ASIC2: variants seen among roughly 807,000 people sequenced by gnomAD.
ASIC2 encodes the protein acid sensing ion channel subunit 2.
In ASIC2, 25 loss-of-function variants were observed where a neutral mutation model predicts 57.3. The observed-to-expected ratio is 0.44, with a 90% CI of 0.32 to 0.61. ASIC2 has a LOEUF of 0.61. Among genes scored for constraint, ASIC2 ranks in the 20% least tolerant of loss-of-function variants. ASIC2 has a pLI of 0.06. For synonymous variants in ASIC2, 319 were observed against 307.5 expected, an observed-to-expected ratio of 1.04 and a Z score of -0.39; for missense variants, 641 against 738.1, an observed-to-expected ratio of 0.87 and a Z score of 1.52.
intron 1 of ASIC2, among the ~76,000 whole-genome samples, chr17:33,917,689 C>G (rs533476392): frequency 2.2e-4 from 33 of 152,224 alleles, no homozygotes; most frequent in African/African-American, 7.9e-4. Context: ...TCATGATTAC[C>G]TTGACTTTTG....
intron 1 of ASIC2, among the ~76,000 whole-genome samples, chr17:33,332,380 G>A (rs1377302075): frequency 6.6e-6 from 1 of 152,076 alleles, no homozygotes; most frequent in African/African-American, 2.4e-5. Flanking sequence ...ACATTTCAAC[G>A]TGTAATAAAC....
chr17:33,302,279 C>T (rs568662573), intron 1 of ASIC2, among the ~76,000 whole-genome samples: 1 of 152,310 alleles, frequency 6.6e-6, no homozygotes, highest in Admixed American at 6.5e-5. Context: ...TAACCTTCTC[C>T]AGCAGTAACC....
intron 1 of ASIC2, among the ~76,000 whole-genome samples, chr17:33,175,077 T>G (rs1475730207): frequency 6.6e-6 from 1 of 152,194 alleles, no homozygotes; most frequent in Non-Finnish European, 1.5e-5. Context: ...CGAATAAAAT[T>G]GTTCTTATTT....
At chr17:33,961,402 GT>G (rs35096825) in intron 1 of ASIC2, among the ~76,000 whole-genome samples, 17,124 of 152,214 alleles carry the variant, frequency 0.11, 1,080 homozygotes, top group Middle Eastern at 0.17. Context: ...ACAGTTGGTG[GT>G]TGGAGGCTAG....
intron 1 of ASIC2, among the ~76,000 whole-genome samples, chr17:33,420,701 G>A (rs1244148221): frequency 6.6e-6 from 1 of 152,182 alleles, no homozygotes; most frequent in Non-Finnish European, 1.5e-5. Context: ...GTTTGAATTT[G>A]TAGCATTTGC....
intron 5 of ASIC2, 54 bp downstream of exon 5, chr17:33,025,872 T>G (rs1425377409): frequency 6.7e-7 from 1 of 1,496,586 alleles, no homozygotes; most frequent in East Asian, 2.4e-5. Context: ...ATTTCCATGA[T>G]CTCAGTCTCA....
chr17:34,026,446 C>T (rs141720243), intron 1 of ASIC2, among the ~76,000 whole-genome samples: 102 of 152,264 alleles, frequency 6.7e-4, no homozygotes, highest in South Asian at 5.6e-3. Flanking sequence ...TCTCCCAAAC[C>T]GATGAGTTTC....
chr17:34,040,629 T>C (rs1459942762), intron 1 of ASIC2, among the ~76,000 whole-genome samples: 1 of 152,176 alleles, frequency 6.6e-6, no homozygotes, highest in Non-Finnish European at 1.5e-5. Context: ...TCATCATTGT[T>C]GGGCTTCACA....
At chr17:33,585,957 T>A (rs1045651293) in intron 1 of ASIC2, among the ~76,000 whole-genome samples, 32 of 152,192 alleles carry the variant, frequency 2.1e-4, no homozygotes, top group Non-Finnish European at 4.4e-5. Context: ...TGCCACAGTA[T>A]AAGACTAAGT....
chr17:33,755,952 G>A (rs1461391347), intron 1 of ASIC2, among the ~76,000 whole-genome samples: 4 of 152,214 alleles, frequency 2.6e-5, no homozygotes, highest in African/African-American at 9.6e-5. Flanking sequence ...GATAAGCAGG[G>A]TGGGGAAGGG....
At position 33,928,722 on chromosome 17, in the gene ASIC2, C is replaced by G. The variant is rs552409876; in HGVS notation, c.555+227256G>C. 9.2e-5 allele frequency among the ~76,000 whole-genome samples: 14 copies of G among 152,158 alleles called. No homozygotes were observed. In the South Asian group the frequency reaches 2.9e-3, roughly 32 times the overall value. On this transcript the variant is annotated intron_variant, in intron 1 of 9. Transcript: ENST00000359872. ...ACCAGAGTTCTCGAGGTGCAGGAGC[C>G]ATGTGGGAGTCCAGGGAGTCAGCGG... is the stretch of plus-strand genomic sequence containing the variant.
rs1169423847 is a variant in ASIC2 at position 33,196,561 on chromosome 17, C to T, written c.709-84494G>A. On this transcript the variant is annotated intron_variant, in intron 1 of 9. Coordinates refer to ENST00000225823, the MANE Select transcript of ASIC2 (RefSeq NM_183377.2). ...CCTGGTGGAAGCAACTTGCCATTGT[C>T]CGAGGCATGAAGCTCCAAGTGCAGG... Among the ~76,000 whole-genome samples, 8 of 152,296 alleles carry T rather than the reference C, an allele frequency of 5.3e-5. No individual in the cohort carries two copies. The East Asian group carries it at 1.5e-3, about 29-fold the overall frequency.
intron 1 of ASIC2, among the ~76,000 whole-genome samples, chr17:33,913,986 A>T (rs981029513): frequency 6.6e-6 from 1 of 152,208 alleles, no homozygotes; most frequent in Non-Finnish European, 1.5e-5. Flanking sequence ...CAGAAAATAG[A>T]GCTCAGAGCC....
At chr17:33,882,245 C>T (rs1597915194) in intron 1 of ASIC2, among the ~76,000 whole-genome samples, 1 of 152,098 alleles carries the variant, frequency 6.6e-6, no homozygotes, top group South Asian at 2.1e-4. Context: ...GCAATAAAAG[C>T]CAAAATTGAC....
chr17:33,769,044 CCTT>C (rs1272802826), intron 1 of ASIC2, among the ~76,000 whole-genome samples: 2 of 152,176 alleles, frequency 1.3e-5, no homozygotes, highest in African/African-American at 2.4e-5. Context: ...TCAAGCATGA[CCTT>C]ATTATTCTTG....
chr17:33,774,805 C>G (rs1018842360), intron 1 of ASIC2, among the ~76,000 whole-genome samples: 1 of 152,170 alleles, frequency 6.6e-6, no homozygotes. Context: ...CATGTACCAT[C>G]CCTAGACTGA....
At chr17:34,140,813 G>C (rs145031193) in intron 1 of ASIC2, among the ~76,000 whole-genome samples, 385 of 152,270 alleles carry the variant, frequency 2.5e-3, no homozygotes, top group Non-Finnish European at 4.4e-3. Context: ...ACTAATAAAT[G>C]TAGAAAGGAT....
At chr17:33,282,635 C>T (rs914569871) in intron 1 of ASIC2, among the ~76,000 whole-genome samples, 2 of 152,052 alleles carry the variant, frequency 1.3e-5, no homozygotes, top group African/African-American at 2.4e-5. Context: ...CCATCAGACC[C>T]GACTAATTTT....
At chr17:33,145,785 C>T (rs974732620) in intron 1 of ASIC2, among the ~76,000 whole-genome samples, 5 of 152,198 alleles carry the variant, frequency 3.3e-5, no homozygotes, top group African/African-American at 4.8e-5. Flanking sequence ...TTACTCCTTT[C>T]GCCCCATGAC....
Sources: allele counts gnomAD v4.1 joint callset (sites outside exome capture counted in the v4.1 genomes callset), GRCh38; gene constraint gnomAD v4.1.1; transcripts MANE v1.5; gene names NCBI Gene and HGNC (gene_info 2026-07-23, HGNC 2026-07-21).